Variants in MYLK4 observed in about 807,000 individuals in gnomAD.
The protein encoded by MYLK4 is myosin light chain kinase family member 4.
Under a neutral mutation model 48.1 loss-of-function variants are expected in MYLK4, and 46 were observed. The observed-to-expected ratio is 0.96, with a 90% CI of 0.75 to 1.22. The LOEUF (loss-of-function observed/expected upper bound fraction) is 1.22, where lower values mean the gene tolerates loss of function less well. Ranked by LOEUF, MYLK4 falls within the 50% of genes most tolerant of loss-of-function variation. MYLK4 has a pLI of 0.00. For synonymous variants in MYLK4, 170 were observed against 180.8 expected (o/e 0.94, Z 0.48); for missense variants, 451 against 486.1 (o/e 0.93, Z 0.68).
chr6:2,726,227 C>CT (rs1763270860), intron 2 of MYLK4, among the ~76,000 whole-genome samples: 1 of 152,154 alleles, frequency 6.6e-6, no homozygotes, highest in African/African-American at 2.4e-5. Context: ...TTGAGACTCT[C>CT]TAACAGCAAA....
intron 2 of MYLK4, among the ~76,000 whole-genome samples, chr6:2,711,239 C>T (rs1254348087): frequency 6.6e-6 from 1 of 152,232 alleles, no homozygotes; most frequent in African/African-American, 2.4e-5. Context: ...CTCTGAATTT[C>T]CCACAAGGAC....
the MYLK4 span, chr6:2,765,402 G>A: frequency 2.4e-6 from 1 of 419,558 alleles, no homozygotes; most frequent in Non-Finnish European, 3.8e-6. Flanking sequence ...TACACTTCCC[G>A]ACACGCCGCG....
At chr6:2,698,798 C>T (rs544834407) in intron 2 of MYLK4, among the ~76,000 whole-genome samples, 1 of 152,330 alleles carries the variant, frequency 6.6e-6, no homozygotes, top group East Asian at 1.9e-4. Flanking sequence ...CCTCAGCACA[C>T]ACTCAAACTC....
chr6:2,738,937 A>G (rs1763794485), intron 2 of MYLK4, among the ~76,000 whole-genome samples: 1 of 152,334 alleles, frequency 6.6e-6, no homozygotes, highest in African/African-American at 2.4e-5. Context: ...TGTTAATGTA[A>G]GTTTATCCAT....
chr6:2,707,490 T>C (rs1762534951), intron 2 of MYLK4, among the ~76,000 whole-genome samples: 1 of 152,226 alleles, frequency 6.6e-6, no homozygotes, highest in Admixed American at 6.5e-5. Context: ...AAAGTTCGCA[T>C]GCTATTACTT....
the MYLK4 span, among the ~76,000 whole-genome samples, chr6:2,765,129 G>C: frequency 1.6e-4 from 24 of 151,342 alleles, no homozygotes; most frequent in East Asian, 4.5e-3. Flanking sequence ...CTGGGCGGAG[G>C]GCTGCGTCCG....
chr6:2,678,270 G>C lies in MYLK4; in HGVS notation c.990C>G (p.Ile330Met). The C allele has an allele frequency of 1.9e-6, 3 of 1,614,144 alleles. No individual in the cohort carries two copies. Among genetic ancestry groups the C allele is most frequent in the Non-Finnish European group, 2.5e-6 (3 of 1,180,030 alleles). ...WDLEDEEFQD[I>M]SEEAKEFISK... Reference sequence around the variant, plus strand: ...AGATGAACTCCTTGGCCTCCTCCGAGATGTCCTGAAATTCTTCATCCTCTA... The same window carrying C: ...AGATGAACTCCTTGGCCTCCTCCGACATGTCCTGAAATTCTTCATCCTCTA... Residue 330 changes from isoleucine to methionine, a missense_variant, in exon 10 of 13, where the codon ATC becomes ATG. Physicochemically the swap from Ile to Met is conservative, Grantham distance 10 (BLOSUM62 1). Coordinates refer to ENST00000274643, the MANE Select transcript of MYLK4 (RefSeq NM_001012418.5).
At chr6:2,697,903 A>C (rs1178274323) in intron 2 of MYLK4, among the ~76,000 whole-genome samples, 1 of 152,242 alleles carries the variant, frequency 6.6e-6, no homozygotes, top group Non-Finnish European at 1.5e-5. Flanking sequence ...TGAAGAAAAC[A>C]GTGCTTTCTG....
chr6:2,718,810 A>C (rs1762961592), intron 2 of MYLK4, among the ~76,000 whole-genome samples: 3 of 152,356 alleles, frequency 2.0e-5, no homozygotes, highest in Admixed American at 2.0e-4. Context: ...TCAAAAGAAC[A>C]ACTGAATAAA....
At chr6:2,762,698 G>A in the MYLK4 span, among the ~76,000 whole-genome samples, 1 of 152,172 alleles carries the variant, frequency 6.6e-6, no homozygotes, top group Non-Finnish European at 1.5e-5. Context: ...TAAACGCATA[G>A]ACCCTCACGG....
the MYLK4 span, among the ~76,000 whole-genome samples, chr6:2,763,392 C>T: frequency 6.6e-6 from 1 of 152,200 alleles, no homozygotes; most frequent in African/African-American, 2.4e-5. Flanking sequence ...CAGTAAGCAG[C>T]GCTTCTCAGG....
rs569076135 is a variant in MYLK4 at position 2,740,894 on chromosome 6, G to A, written c.159+8242C>T. On this transcript the variant is annotated intron_variant, in intron 2 of 12. Transcript: ENST00000274643. ...AAAGGGCCAAATACCACAGGGCAAAGACCTGGAATAGCTTCCTGAGTCGGA... is the reference window on the plus strand; with the variant it reads ...AAAGGGCCAAATACCACAGGGCAAAAACCTGGAATAGCTTCCTGAGTCGGA... Among the ~76,000 whole-genome samples, 8 of 152,348 alleles carry A rather than the reference G, an allele frequency of 5.3e-5. No homozygotes were observed. The East Asian group carries it at 1.3e-3, about 26-fold the overall frequency.
At chr6:2,701,885 G>C (rs1287421773) in intron 2 of MYLK4, among the ~76,000 whole-genome samples, 5 of 152,230 alleles carry the variant, frequency 3.3e-5, no homozygotes, top group Admixed American at 3.3e-4. Context: ...TATACGTCAT[G>C]AATTGGTGCG....
At chr6:2,728,036 T>C (rs1248385977) in intron 2 of MYLK4, among the ~76,000 whole-genome samples, 1 of 152,084 alleles carries the variant, frequency 6.6e-6, no homozygotes, top group Non-Finnish European at 1.5e-5. Context: ...CTCAACCTTG[T>C]ATGGGCTCCA....
the MYLK4 span, among the ~76,000 whole-genome samples, chr6:2,766,932 C>A: frequency 6.6e-6 from 1 of 152,134 alleles, no homozygotes; most frequent in South Asian, 2.1e-4. Context: ...GTTTAACAGA[C>A]TGGTATTTAT....
chr6:2,750,101 G>A (rs754262770), intron 1 of MYLK4, among the ~76,000 whole-genome samples: 2 of 152,178 alleles, frequency 1.3e-5, no homozygotes, highest in Non-Finnish European at 2.9e-5. Context: ...CACATCACTT[G>A]ATTGCATAGA....
chr6:2,748,690 C>T (rs902235408), intron 2 of MYLK4, among the ~76,000 whole-genome samples: 6 of 152,346 alleles, frequency 3.9e-5, no homozygotes, highest in Admixed American at 1.3e-4. Flanking sequence ...GCCCCACCGT[C>T]GTGCCATCAG....
At chr6:2,679,884 T>C (rs1427447563) in intron 8 of MYLK4, among the ~76,000 whole-genome samples, 1 of 152,262 alleles carries the variant, frequency 6.6e-6, no homozygotes, top group African/African-American at 2.4e-5. Flanking sequence ...CAAACTTGCT[T>C]ACGTTGTTAA....
chr6:2,675,864 G>A (rs1448794097), intron 10 of MYLK4, among the ~76,000 whole-genome samples: 7 of 152,054 alleles, frequency 4.6e-5, no homozygotes, highest in Middle Eastern at 3.2e-3. Flanking sequence ...AGGCCGAGGC[G>A]GGTGGATCAC....
Sources: allele counts gnomAD v4.1 joint callset (sites outside exome capture counted in the v4.1 genomes callset), GRCh38; gene constraint gnomAD v4.1.1; transcripts MANE v1.5; gene names NCBI Gene and HGNC (gene_info 2026-07-23, HGNC 2026-07-21).